Variants in GFM1 observed in about 807,000 individuals in gnomAD.
GFM1 encodes G elongation factor mitochondrial 1, also known as elongation factor G, mitochondrial.
Under a neutral mutation model 96.2 loss-of-function variants are expected in GFM1, and 62 were observed. The observed-to-expected ratio is 0.64, with a 90% CI of 0.53 to 0.80. The LOEUF is 0.80. GFM1 is among the 30% of genes least tolerant of loss of function. The pLI, the probability that GFM1 is intolerant of heterozygous loss-of-function variation, is 0.00. For missense variants in GFM1, 852 were observed against 916.6 expected (o/e 0.93, Z 0.91); for synonymous variants, 282 against 312.9 (o/e 0.90, Z 1.04).
At chr3:158,672,586 A>G in intron 13 of GFM1, 2 of 1,369,730 alleles carry the variant, frequency 1.5e-6, no homozygotes, top group Non-Finnish European at 1.0e-6. Flanking sequence ...GAGGCGGAAA[A>G]GTCGCAAGCT....
intron 9 of GFM1, 123 bp downstream of exon 9, chr3:158,659,182 T>A: frequency 8.9e-7 from 1 of 1,122,580 alleles, no homozygotes; most frequent in Non-Finnish European, 1.3e-6. Context: ...AGTTTCTTTC[T>A]ACTTAAATGT....
At chr3:158,672,530 A>G (rs1460369592) in intron 13 of GFM1, 1 of 1,606,508 alleles carries the variant, frequency 6.2e-7, no homozygotes, top group Admixed American at 1.7e-5. Context: ...TAACGGGACC[A>G]GTAGCAGAGC....
chr3:158,680,612 C>A (rs1725292803), intron 13 of GFM1, among the ~76,000 whole-genome samples: 1 of 152,130 alleles, frequency 6.6e-6, no homozygotes, highest in South Asian at 2.1e-4. Context: ...CTGACCCTAC[C>A]ACTTAATGCT....
rs540356777 is a variant in GFM1 at position 158,692,497 on chromosome 3, A to G, written c.*1030A>G. The G allele has an allele frequency of 6.6e-6, 1 of 152,344 alleles. No individual in the cohort carries two copies. The highest frequency in any genetic ancestry group is 6.5e-5 in the Admixed American group (1 of 15,308). 9.4% of individuals were successfully genotyped at this position (152,344 alleles called of 1,614,324 possible). On this transcript the variant is annotated 3_prime_UTR_variant, in exon 18 of 18. Coordinates refer to ENST00000486715, the MANE Select transcript of GFM1 (RefSeq NM_024996.7). ...ACCCGGTTCAGAATTGCTTCATCCA[A>G]AAATCATCTGATGGTATAGATGGAT...
At chr3:158,649,310 A>G (rs941852203) in intron 5 of GFM1, 153 bp downstream of exon 5, 3 of 539,888 alleles carry the variant, frequency 5.6e-6, no homozygotes, top group Non-Finnish European at 6.6e-6. Context: ...CTTTAATCCT[A>G]GTCGCTCCCC....
At chr3:158,679,636 T>G (rs1343813337) in intron 13 of GFM1, among the ~76,000 whole-genome samples, 2 of 151,732 alleles carry the variant, frequency 1.3e-5, no homozygotes, top group Non-Finnish European at 2.9e-5. Context: ...TTCTCTAAAT[T>G]TTTTTTTCCT....
intron 12 of GFM1, among the ~76,000 whole-genome samples, chr3:158,665,987 G>C (rs1723637404): frequency 1.3e-5 from 2 of 152,188 alleles, no homozygotes; most frequent in South Asian, 4.1e-4. Context: ...AGTTGAGATA[G>C]AAAATCCTGA....
At chr3:158,681,843 T>A in intron 13 of GFM1, 152 bp from the exon 14 acceptor site, 3 of 750,356 alleles carry the variant, frequency 4.0e-6, no homozygotes, top group Non-Finnish European at 6.5e-6. Context: ...GGGTTCTTTT[T>A]AAAATAAATT....
intron 11 of GFM1, among the ~76,000 whole-genome samples, chr3:158,665,107 A>G (rs973702499): frequency 2.0e-5 from 3 of 152,108 alleles, no homozygotes; most frequent in Non-Finnish European, 4.4e-5. Context: ...CTTGTTTTCT[A>G]TCTTGGTGTG....
intron 13 of GFM1, chr3:158,672,441 G>T (rs116224250): frequency 5.6e-6 from 9 of 1,614,042 alleles, no homozygotes; most frequent in Non-Finnish European, 6.8e-6. Flanking sequence ...CACCAAGGCC[G>T]CCCTGGAGGC....
At chr3:158,673,514 T>C (rs3773712) in intron 13 of GFM1, among the ~76,000 whole-genome samples, 22,627 of 144,658 alleles carry the variant, frequency 0.16, 1,853 homozygotes, top group South Asian at 0.22. Flanking sequence ...TTTTCTTTTT[T>C]TTTTTTTTTT....
chr3:158,680,254 A>G (rs1725257380), intron 13 of GFM1, among the ~76,000 whole-genome samples: 1 of 152,050 alleles, frequency 6.6e-6, no homozygotes, highest in Non-Finnish European at 1.5e-5. Context: ...CGTCTGCCAA[A>G]TAGTATTCAT....
chr3:158,645,674 A>G lies in GFM1; in HGVS notation c.127A>G (p.Asn43Asp), dbSNP rs35942089. Reference protein sequence around the residue: ...CRWSSSGVIPNEKIRNIGISA... With the variant: ...CRWSSSGVIPDEKIRNIGISA... ...ATGGTCTTCATCAGGGGTGATTCCT[A>G]ATGAAAAAATACGAAATATTGGAAT... Residue 43 changes from asparagine (N) to aspartate (D), a missense_variant, in exon 2 of 18, where the codon AAT (asparagine) becomes GAT (aspartate). Asn to Asp is a conservative substitution (Grantham distance 23). Coordinates refer to ENST00000486715, the MANE Select transcript of GFM1 (RefSeq NM_024996.7). 0.011 allele frequency: 17,706 copies of G among 1,611,068 alleles called. 135 individuals carry two copies. Among genetic ancestry groups the G allele is most frequent in the Non-Finnish European group, 0.012 (14,628 of 1,177,200 alleles).
chr3:158,690,558 T>G (rs993304711), intron 16 of GFM1: 4 of 520,192 alleles, frequency 7.7e-6, no homozygotes, highest in Non-Finnish European at 1.4e-5. Context: ...ATTATCTCTC[T>G]TTCTTGAATA....
At chr3:158,675,554 T>A (rs1192326935) in intron 13 of GFM1, among the ~76,000 whole-genome samples, 1 of 152,098 alleles carries the variant, frequency 6.6e-6, no homozygotes, top group Non-Finnish European at 1.5e-5. Flanking sequence ...CTAAACTTTC[T>A]AAATTTTATA....
chr3:158,679,270 T>G (rs1165818086), intron 13 of GFM1, among the ~76,000 whole-genome samples: 5 of 152,360 alleles, frequency 3.3e-5, no homozygotes, highest in Admixed American at 3.3e-4. Flanking sequence ...TGTAAACATA[T>G]AGCTTTTATA....
chr3:158,669,288 T>C (rs1724032700), intron 13 of GFM1: 2 of 1,184,802 alleles, frequency 1.7e-6, no homozygotes, highest in African/African-American at 1.6e-5. Flanking sequence ...GGCCTCTTTT[T>C]TGTTGGATTG....
rs1471549751 is a variant in GFM1 at position 158,693,791 on chromosome 3, A to T, written c.*2324A>T. 6.6e-6 allele frequency: 1 copy of T among 152,196 alleles called. No homozygotes were observed. Among genetic ancestry groups the T allele is most frequent in the Non-Finnish European group, 1.5e-5 (1 of 68,028 alleles). 9.4% of individuals were successfully genotyped at this position (152,196 alleles called of 1,614,324 possible). On this transcript the variant is annotated 3_prime_UTR_variant, in exon 18 of 18. Coordinates refer to ENST00000486715, the MANE Select transcript of GFM1 (RefSeq NM_024996.7). Reference sequence around the variant, plus strand: ...TTTAAAAATCACTGGGGGAGCCTTAAAAAGAAATACCTAGGCCTACACCCA... The same window carrying T: ...TTTAAAAATCACTGGGGGAGCCTTATAAAGAAATACCTAGGCCTACACCCA...
At chr3:158,678,366 C>A (rs551376740) in intron 13 of GFM1, among the ~76,000 whole-genome samples, 1 of 152,270 alleles carries the variant, frequency 6.6e-6, no homozygotes, top group East Asian at 1.9e-4. Context: ...AAATTGAAAA[C>A]CTTCTAGAAA....
Sources: allele counts gnomAD v4.1 joint callset (sites outside exome capture counted in the v4.1 genomes callset), GRCh38; gene constraint gnomAD v4.1.1; transcripts MANE v1.5; gene names NCBI Gene and HGNC (gene_info 2026-07-23, HGNC 2026-07-21).